CRACD: variants seen among roughly 807,000 people sequenced by gnomAD.
CRACD encodes capping protein-inhibiting regulator of actin dynamics.
Under a neutral mutation model 106.8 loss-of-function variants are expected in CRACD, and 56 were observed. That is an observed-to-expected ratio of 0.52 (90% CI 0.42 to 0.66). CRACD has a LOEUF of 0.66. Ranked by LOEUF, CRACD falls within the 30% of genes least tolerant of loss-of-function variation. The pLI, the probability that CRACD is intolerant of heterozygous loss-of-function variation, is 0.00. For missense variants in CRACD, 1,730 were observed against 1,623.2 expected, an observed-to-expected ratio of 1.07 and a Z score of -1.13; for synonymous variants, 754 against 670.8, an observed-to-expected ratio of 1.12 and a Z score of -1.92.
At position 56,132,778 on chromosome 4, in the gene CRACD, G is replaced by A. The variant is rs1734869747; in HGVS notation, c.-335-46506G>A. ...ATAAGACAGGATGATTAGTAGTCGT[G>A]GTAACTTGCTAGACACATATTTATT... On this transcript the variant is annotated intron_variant, in intron 1 of 10. Coordinates refer to ENST00000682029, the MANE Select transcript of CRACD (RefSeq NM_001393381.1). Among the ~76,000 whole-genome samples the A allele has an allele frequency of 3.9e-5, 6 of 152,080 alleles. 1 individual carries two copies. Among genetic ancestry groups the A allele is most frequent in the Admixed American group, 2.0e-4 (3 of 15,254 alleles).
chr4:56,078,869 T>A (rs1348625724), intron 1 of CRACD, among the ~76,000 whole-genome samples: 1 of 152,056 alleles, frequency 6.6e-6, no homozygotes, highest in Non-Finnish European at 1.5e-5. Context: ...GCAGAGAGAG[T>A]TCACCCTGGA....
intron 2 of CRACD, among the ~76,000 whole-genome samples, chr4:56,220,549 C>T (rs913173114): frequency 6.6e-6 from 1 of 152,056 alleles, no homozygotes; most frequent in African/African-American, 2.4e-5. Context: ...ATTTCAAGGA[C>T]CATCTGGAAT....
At chr4:56,110,062 G>C (rs1285489858) in intron 1 of CRACD, among the ~76,000 whole-genome samples, 1 of 152,140 alleles carries the variant, frequency 6.6e-6, no homozygotes, top group East Asian at 1.9e-4. Context: ...AAAATATTTG[G>C]GATAAAGAGA....
At position 56,314,589 on chromosome 4, in the gene CRACD, G is replaced by T; in HGVS notation, c.1087G>T (p.Glu363Ter). 6.6e-7 allele frequency: 1 copy of T among 1,523,588 alleles called. No homozygotes were observed. Among genetic ancestry groups the T allele is most frequent in the Non-Finnish European group, 8.8e-7 (1 of 1,135,860 alleles). 94.4% of individuals were successfully genotyped at this position (1,523,588 alleles called of 1,614,324 possible). Residue 363 changes from glutamate to a stop codon, truncating the protein, a stop_gained, in exon 8 of 11, where the codon GAG becomes TAG. Coordinates refer to ENST00000682029, the MANE Select transcript of CRACD (RefSeq NM_001393381.1). LOFTEE classifies it high-confidence loss of function. This position sits in a 1 kb window ranked among gnomAD's most constrained non-coding sequence, Gnocchi z 4.4. ...CGCGGAGGAGCTCAAAAGGCAGGAG[G>T]AGGAGGAGGCTGAGGGATGGGAAGA... ...RCAEELKRQE[E>*]EEAEGWEELE...
rs543038743 is a variant in CRACD, at chr4:56,255,747, A to G, written c.-188-16574A>G. Among the ~76,000 whole-genome samples the G allele has an allele frequency of 1.4e-4, 21 of 152,348 alleles. No homozygotes were observed. The East Asian group carries it at 3.9e-3, about 28-fold the overall frequency. On this transcript the variant is annotated intron_variant, in intron 2 of 10. Coordinates refer to ENST00000682029, the MANE Select transcript of CRACD (RefSeq NM_001393381.1). ...TCTAAGGTGAAAGATAAGTTGTTGC[A>G]TCTGACCTCTCCTTTTAACCAGAAA...
intron 4 of CRACD, among the ~76,000 whole-genome samples, chr4:56,300,285 A>G (rs2109727735): frequency 6.6e-6 from 1 of 152,346 alleles, no homozygotes; most frequent in East Asian, 1.9e-4. Flanking sequence ...GGAAGTAGCC[A>G]AGAGACCTTG....
At chr4:56,221,859 G>T (rs1419304623) in intron 2 of CRACD, among the ~76,000 whole-genome samples, 2 of 152,124 alleles carry the variant, frequency 1.3e-5, no homozygotes, top group Non-Finnish European at 2.9e-5. Flanking sequence ...ACCCGAGCCA[G>T]AATGGCTATT....
chr4:56,126,760 A>G (rs1734672993), intron 1 of CRACD, among the ~76,000 whole-genome samples: 1 of 152,206 alleles, frequency 6.6e-6, no homozygotes, highest in Admixed American at 6.5e-5. Context: ...AGTTATCTCT[A>G]TGAAATCAAA....
intron 2 of CRACD, among the ~76,000 whole-genome samples, chr4:56,196,990 T>C (rs1436901864): frequency 6.6e-6 from 1 of 152,172 alleles, no homozygotes; most frequent in Non-Finnish European, 1.5e-5. Context: ...TCATCTATTA[T>C]AGAAAAATTC....
chr4:56,176,431 C>CTTT (rs3036818), intron 1 of CRACD, among the ~76,000 whole-genome samples: 86,501 of 136,932 alleles, frequency 0.63, 27,799 homozygotes, highest in African/African-American at 0.67. Context: ...CTTCCAATTT[C>CTTT]TTTTTTTTTT....
At chr4:56,214,681 C>CTCTCTCTATATATATATATATA in intron 2 of CRACD, among the ~76,000 whole-genome samples, 16 of 80,946 alleles carry the variant, frequency 2.0e-4, no homozygotes, top group African/African-American at 6.4e-4. Flanking sequence ...CTCTCTCTCT[C>CTCTCTCTATATATATATATATA]TATATATATA....
intron 1 of CRACD, among the ~76,000 whole-genome samples, chr4:56,124,406 A>G (rs923355843): frequency 1.3e-5 from 2 of 152,212 alleles, no homozygotes; most frequent in Non-Finnish European, 2.9e-5. Flanking sequence ...CAAATTCTAG[A>G]CATTATATCA....
At chr4:56,270,336 G>A (rs182804975) in intron 2 of CRACD, among the ~76,000 whole-genome samples, 3 of 151,940 alleles carry the variant, frequency 2.0e-5, no homozygotes, top group East Asian at 1.9e-4. Context: ...GATTACAGGC[G>A]TGAGCCACCA....
chr4:56,284,532 C>CTAACA (rs1743221507), intron 3 of CRACD, among the ~76,000 whole-genome samples: 1 of 151,940 alleles, frequency 6.6e-6, no homozygotes, highest in African/African-American at 2.4e-5. Flanking sequence ...CAAGACTAGC[C>CTAACA]TGGCCAACAT....
At chr4:56,287,970 A>G (rs143384716) in intron 3 of CRACD, among the ~76,000 whole-genome samples, 170 of 152,312 alleles carry the variant, frequency 1.1e-3, no homozygotes, top group South Asian at 2.9e-3. Flanking sequence ...GACTAAGCCT[A>G]TTCAAAGCCT....
intron 6 of CRACD, among the ~76,000 whole-genome samples, chr4:56,312,152 C>T (rs529922430): frequency 1.1e-4 from 16 of 152,106 alleles, no homozygotes; most frequent in South Asian, 8.3e-4. Flanking sequence ...TTCTTTGGAG[C>T]GATTGTACCA....
At chr4:56,294,372 A>G (rs1743869354) in intron 3 of CRACD, among the ~76,000 whole-genome samples, 1 of 152,230 alleles carries the variant, frequency 6.6e-6, no homozygotes, top group South Asian at 2.1e-4. Context: ...AGTCTATACC[A>G]TTTACAATAA....
Position 56,327,986 on chromosome 4 carries a change from C to A in CRACD, c.*182C>A. 1 of 564,694 alleles carries A rather than the reference C, an allele frequency of 1.8e-6. No homozygotes were observed. The highest frequency in any genetic ancestry group is 2.6e-5 in the South Asian group (1 of 38,334). The allele number at this position is 564,694 out of a possible 1,614,324, so 35.0% of individuals were successfully genotyped here. A position where few individuals can be genotyped will look rare whatever the true frequency, so the allele number is the denominator to read the frequency against. On this transcript the variant is annotated 3_prime_UTR_variant, in exon 11 of 11. Transcript: ENST00000682029. ...CATTGTAAAGAGTGGATTTGCACAA[C>A]CCTAGGTCCTGGTGCCTCGAGCTCC...
At chr4:56,272,728 T>TA (rs2109648943) in intron 3 of CRACD, among the ~76,000 whole-genome samples, 1 of 151,944 alleles carries the variant, frequency 6.6e-6, no homozygotes, top group Non-Finnish European at 1.5e-5. Context: ...CCGTTTCTAC[T>TA]AAAAAAGTAC....
Sources: gnomAD v4.1 joint callset for allele counts (sites outside exome capture counted in the v4.1 genomes callset) on GRCh38, gnomAD v4.1.1 for gene constraint, Gnocchi (gnomAD v3.1) non-coding constraint, MANE v1.5 for transcripts, NCBI Gene and HGNC (gene_info 2026-07-23, HGNC 2026-07-21) for gene names.